GFM1: variants seen among roughly 807,000 people sequenced by gnomAD.
GFM1 encodes the protein elongation factor G, mitochondrial.
GFM1 carries 62 observed loss-of-function variants against 96.2 expected under a neutral mutation model. That is an observed-to-expected ratio of 0.64 (90% CI 0.53 to 0.80). The LOEUF (loss-of-function observed/expected upper bound fraction) is 0.80, where lower values mean the gene tolerates loss of function less well. GFM1 is among the 30% of genes least tolerant of loss of function. The pLI, the probability that GFM1 is intolerant of heterozygous loss-of-function variation, is 0.00. For missense variants in GFM1, 852 were observed against 916.6 expected (o/e 0.93, Z 0.91); for synonymous variants, 282 against 312.9 (o/e 0.90, Z 1.04).
intron 13 of GFM1, chr3:158,669,203 A>G (rs1486349806): frequency 7.6e-6 from 11 of 1,443,762 alleles, no homozygotes; most frequent in Non-Finnish European, 5.7e-6. Context: ...TCTAAATTCT[A>G]AATCATGTCT....
At chr3:158,665,553 A>G in intron 12 of GFM1, 79 bp downstream of exon 12, 1 of 1,294,262 alleles carries the variant, frequency 7.7e-7, no homozygotes, top group South Asian at 1.2e-5. Context: ...TCTCAATCTA[A>G]TGTCTGTAAC....
chr3:158,670,876 G>A (rs1576765853), intron 13 of GFM1: 1 of 1,350,602 alleles, frequency 7.4e-7, no homozygotes, highest in South Asian at 1.6e-5. Context: ...TGAGGCTGCA[G>A]TGAGCCATGT....
intron 13 of GFM1, chr3:158,669,329 G>A (rs769300251): frequency 3.9e-6 from 5 of 1,297,072 alleles, no homozygotes; most frequent in African/African-American, 1.5e-5. Context: ...GCAAAAGCCT[G>A]TAAGTTTCTA....
chr3:158,683,203 G>A (rs1425110368), intron 14 of GFM1, among the ~76,000 whole-genome samples: 1 of 151,994 alleles, frequency 6.6e-6, no homozygotes, highest in Non-Finnish European at 1.5e-5. Flanking sequence ...ACAATATTTT[G>A]TGATTCACAC....
intron 10 of GFM1, 88 bp downstream of exon 10, chr3:158,661,063 AC>A: frequency 1.9e-6 from 2 of 1,053,926 alleles, no homozygotes; most frequent in Non-Finnish European, 3.0e-6. Context: ...CAGAAAAACA[AC>A]CACAGAAGTT....
chr3:158,673,266 T>C (rs1034780713), intron 13 of GFM1, among the ~76,000 whole-genome samples: 1 of 152,174 alleles, frequency 6.6e-6, no homozygotes, highest in African/African-American at 2.4e-5. Flanking sequence ...TGCTTCCAAC[T>C]TGAGTCATTT....
chr3:158,667,866 A>C (rs1390647387), intron 13 of GFM1, among the ~76,000 whole-genome samples: 1 of 152,220 alleles, frequency 6.6e-6, no homozygotes, highest in Non-Finnish European at 1.5e-5. Flanking sequence ...TGATTGTGTA[A>C]TTAAAGCTTT....
intron 14 of GFM1, 123 bp downstream of exon 14, chr3:158,682,280 C>G (rs1725463767): frequency 1.3e-6 from 1 of 795,196 alleles, no homozygotes; most frequent in Non-Finnish European, 2.1e-6. Flanking sequence ...AGTCCTGTTT[C>G]TCTGATTGTT....
chr3:158,677,496 G>A (rs1349685506), intron 13 of GFM1, among the ~76,000 whole-genome samples: 2 of 152,184 alleles, frequency 1.3e-5, no homozygotes, highest in Non-Finnish European at 2.9e-5. Context: ...CAGAACAACA[G>A]ATTTTCTTTT....
At chr3:158,652,299 T>G (rs780670778) in intron 6 of GFM1, 53 bp downstream of exon 6, 7 of 1,504,206 alleles carry the variant, frequency 4.7e-6, no homozygotes, top group South Asian at 2.3e-5. Flanking sequence ...AGTCGTTTGT[T>G]TTTTGTAGGG....
At chr3:158,682,196 T>C (rs758086803) in intron 14 of GFM1, 39 bp downstream of exon 14, 2 of 1,518,280 alleles carry the variant, frequency 1.3e-6, no homozygotes, top group African/African-American at 1.4e-5. Flanking sequence ...TTTTACTTAC[T>C]AAAAACAGTT....
At chr3:158,677,230 G>C (rs963467932) in intron 13 of GFM1, among the ~76,000 whole-genome samples, 1 of 152,194 alleles carries the variant, frequency 6.6e-6, no homozygotes. Context: ...CTACCTACCA[G>C]TTGTGCTTGC....
At position 158,662,648 on chromosome 3, in the gene GFM1, T is replaced by A; in HGVS notation, c.1344T>A (p.Asp448Glu). ...GLSMESIHVP[D>E]PVISIAMKPS... ...TTTAGGAGTCAATTCATGTTCCTGA[T>A]CCTGTCATTTCAATAGCAATGAAGC... The change falls in exon 11 of 18, where the codon GAT becomes GAA. Residue 448 changes from aspartate (D) to glutamate (E), a missense_variant. By Grantham distance (45) the Asp-to-Glu change is conservative. Transcript: ENST00000486715. The A allele has an allele frequency of 6.3e-7, 1 of 1,599,392 alleles. No homozygotes were observed. The highest frequency in any genetic ancestry group is 8.6e-7 in the Non-Finnish European group (1 of 1,167,156).
At chr3:158,683,036 G>GAA (rs1394390389) in intron 14 of GFM1, among the ~76,000 whole-genome samples, 53 of 95,944 alleles carry the variant, frequency 5.5e-4, no homozygotes, top group African/African-American at 9.6e-4. Flanking sequence ...CTCCAAAATG[G>GAA]AAAAAAAAAA....
At chr3:158,673,508 C>CT (rs766011688) in intron 13 of GFM1, among the ~76,000 whole-genome samples, 1,868 of 114,214 alleles carry the variant, frequency 0.016, 63 homozygotes, top group African/African-American at 0.047. Flanking sequence ...CTTTTCTTTT[C>CT]TTTTTTTTTT....
chr3:158,661,045 T>A, intron 10 of GFM1, 70 bp downstream of exon 10: 1 of 1,256,468 alleles, frequency 8.0e-7, no homozygotes, highest in Non-Finnish European at 1.2e-6. Flanking sequence ...GTAGTGCATT[T>A]AATACTTCAG....
intron 13 of GFM1, chr3:158,669,708 G>C: frequency 8.4e-7 from 1 of 1,184,020 alleles, no homozygotes; most frequent in Non-Finnish European, 1.2e-6. Context: ...TCCTAATGGT[G>C]TTGTTTTAGA....
chr3:158,695,052 G>A lies in GFM1; in HGVS notation c.*3585G>A, dbSNP rs962265178. Among the ~76,000 whole-genome samples the A allele has an allele frequency of 2.0e-5, 3 of 152,174 alleles. No individual in the cohort carries two copies. Among genetic ancestry groups the A allele is most frequent in the Non-Finnish European group, 4.4e-5 (3 of 68,024 alleles). On this transcript the variant is annotated 3_prime_UTR_variant, in exon 18 of 18. Coordinates refer to ENST00000486715, the MANE Select transcript of GFM1 (RefSeq NM_024996.7). ...GTGAAACCAATGTTGGTAAAATTAA[G>A]TTAACAATTTTAGAGTTTGTGCTAG...
chr3:158,670,094 C>T (rs971241884), intron 13 of GFM1, among the ~76,000 whole-genome samples: 7 of 152,178 alleles, frequency 4.6e-5, no homozygotes, highest in Admixed American at 1.3e-4. Flanking sequence ...TCTAGCAGCT[C>T]AGATGCCTTT....
Sources: allele counts gnomAD v4.1 joint callset (sites outside exome capture counted in the v4.1 genomes callset), GRCh38; gene constraint gnomAD v4.1.1; transcripts MANE v1.5; gene names NCBI Gene and HGNC (gene_info 2026-07-23, HGNC 2026-07-21).